Variants in RTN1 observed in about 807,000 individuals in gnomAD.
The protein encoded by RTN1 is reticulon-1.
Under a neutral mutation model 65.5 loss-of-function variants are expected in RTN1, and 25 were observed. The observed-to-expected ratio is 0.38, with a 90% CI of 0.28 to 0.53. RTN1 has a LOEUF of 0.53. Among genes scored for constraint, RTN1 ranks in the 20% least tolerant of loss-of-function variants. The probability of loss-of-function intolerance (pLI) is 0.79; values close to 1 mark genes in which losing one functional copy is unlikely to be tolerated. For missense variants in RTN1, 983 were observed against 1,025.4 expected (o/e 0.96, Z 0.57); for synonymous variants, 471 against 447.6 (o/e 1.05, Z -0.66).
intron 1 of RTN1, among the ~76,000 whole-genome samples, chr14:59,827,223 C>T (rs962702975): frequency 4.6e-5 from 7 of 152,048 alleles, no homozygotes; most frequent in African/African-American, 7.2e-5. Context: ...TGACTACAGG[C>T]GCCCGCCACC....
At chr14:59,681,792 A>G (rs1883750465) in intron 3 of RTN1, among the ~76,000 whole-genome samples, 1 of 152,192 alleles carries the variant, frequency 6.6e-6, no homozygotes, top group South Asian at 2.1e-4. Flanking sequence ...ACATCAGAAC[A>G]CAAGGATCAT....
chr14:59,656,087 C>A (rs938674320), intron 3 of RTN1, among the ~76,000 whole-genome samples: 1 of 151,992 alleles, frequency 6.6e-6, no homozygotes, highest in Non-Finnish European at 1.5e-5. Context: ...AATGAATGAA[C>A]CTTGAAAACA....
At chr14:59,810,005 C>T (rs866578930) in intron 1 of RTN1, among the ~76,000 whole-genome samples, 6 of 152,150 alleles carry the variant, frequency 3.9e-5, no homozygotes, top group Non-Finnish European at 5.9e-5. Context: ...GTACCCACTA[C>T]GTTCCTAGCC....
intron 1 of RTN1, among the ~76,000 whole-genome samples, chr14:59,798,866 A>T (rs1278457879): frequency 2.0e-5 from 3 of 152,190 alleles, no homozygotes; most frequent in Non-Finnish European, 4.4e-5. Context: ...ATAAATTTAC[A>T]GATAAAAATT....
At chr14:59,678,760 C>A (rs1883682103) in intron 3 of RTN1, among the ~76,000 whole-genome samples, 1 of 152,182 alleles carries the variant, frequency 6.6e-6, no homozygotes, top group Non-Finnish European at 1.5e-5. Context: ...GACTGACATG[C>A]TGATCTTCAG....
intron 3 of RTN1, among the ~76,000 whole-genome samples, chr14:59,658,780 C>A (rs1883180370): frequency 6.6e-6 from 1 of 152,148 alleles, no homozygotes; most frequent in South Asian, 2.1e-4. Flanking sequence ...TGAGGAAAAA[C>A]CAGCACAAAA....
chr14:59,630,663 T>A, intron 3 of RTN1: 1 of 1,224,104 alleles, frequency 8.2e-7, no homozygotes, highest in African/African-American at 1.6e-5. Context: ...GGCGGGAGCG[T>A]CGCTGGCGCC....
chr14:59,636,978 G>A (rs538199496), intron 3 of RTN1, among the ~76,000 whole-genome samples: 1 of 152,362 alleles, frequency 6.6e-6, no homozygotes, highest in South Asian at 2.1e-4. Flanking sequence ...GAAGATTGGA[G>A]TGGTTGCAGC....
At chr14:59,687,899 A>G (rs1318396757) in intron 3 of RTN1, among the ~76,000 whole-genome samples, 3 of 152,096 alleles carry the variant, frequency 2.0e-5, no homozygotes, top group Non-Finnish European at 4.4e-5. Context: ...TCTCTGTTTC[A>G]TGCCCAGGCA....
chr14:59,808,025 T>C (rs1224605941), intron 1 of RTN1, among the ~76,000 whole-genome samples: 1 of 152,186 alleles, frequency 6.6e-6, no homozygotes, highest in Non-Finnish European at 1.5e-5. Flanking sequence ...CTTCTTAGAT[T>C]ATAAATTATC....
chr14:59,601,699 A>G (rs1184662627), intron 8 of RTN1, among the ~76,000 whole-genome samples: 1 of 152,190 alleles, frequency 6.6e-6, no homozygotes, highest in Non-Finnish European at 1.5e-5. Context: ...ATTCTTTGCT[A>G]TAGTTTATGA....
In RTN1 at chr14:59,868,246, A is replaced by C. The variant is rs1421181991; in HGVS notation, c.241+2144T>G. ...AACACAGAGATTTAAGACATTAACCAATCAACAACTATATCAGAAATTCCT... is the reference window on the plus strand; with the variant it reads ...AACACAGAGATTTAAGACATTAACCCATCAACAACTATATCAGAAATTCCT... On this transcript the variant is annotated intron_variant, in intron 1 of 8. Coordinates refer to ENST00000267484, the MANE Select transcript of RTN1 (RefSeq NM_021136.3). This position sits in a 1 kb window ranked among gnomAD's most constrained non-coding sequence, Gnocchi z 4.0. Among the ~76,000 whole-genome samples, 1 of 152,246 alleles carries C rather than the reference A, an allele frequency of 6.6e-6. No homozygotes were observed. Among genetic ancestry groups the C allele is most frequent in the African/African-American group, 2.4e-5 (1 of 41,466 alleles).
chr14:59,672,971 G>A (rs1181871210), intron 3 of RTN1, among the ~76,000 whole-genome samples: 1 of 152,152 alleles, frequency 6.6e-6, no homozygotes, highest in Non-Finnish European at 1.5e-5. Context: ...GACTTCTTTG[G>A]TTAACTAGGA....
intron 1 of RTN1, among the ~76,000 whole-genome samples, chr14:59,847,704 A>C (rs1379028122): frequency 6.6e-6 from 1 of 152,232 alleles, no homozygotes; most frequent in Non-Finnish European, 1.5e-5. Flanking sequence ...TTCCCACTTA[A>C]AAAATATGCC....
At chr14:59,695,584 AC>A (rs1455316717) in intron 3 of RTN1, among the ~76,000 whole-genome samples, 1 of 152,088 alleles carries the variant, frequency 6.6e-6, no homozygotes, top group Admixed American at 6.6e-5. Context: ...GCAGAACCAA[AC>A]CCTGATGTAT....
chr14:59,681,211 CA>C (rs1444982185), intron 3 of RTN1, among the ~76,000 whole-genome samples: 1 of 152,030 alleles, frequency 6.6e-6, no homozygotes, highest in Non-Finnish European at 1.5e-5. Flanking sequence ...ACAAATCCAA[CA>C]AAAACTTACC....
chr14:59,853,752 T>G (rs1368189259), intron 1 of RTN1, among the ~76,000 whole-genome samples: 1 of 152,158 alleles, frequency 6.6e-6, no homozygotes, highest in Non-Finnish European at 1.5e-5. Context: ...AATCCCTGTT[T>G]TTTCTCTATT....
At chr14:59,670,457 G>A (rs1357374109) in intron 3 of RTN1, among the ~76,000 whole-genome samples, 1 of 152,208 alleles carries the variant, frequency 6.6e-6, no homozygotes, top group South Asian at 2.1e-4. Flanking sequence ...ATAAAATAAA[G>A]TTAGAGCTCT....
At chr14:59,850,805 G>T (rs1357861986) in intron 1 of RTN1, among the ~76,000 whole-genome samples, 1 of 152,190 alleles carries the variant, frequency 6.6e-6, no homozygotes, top group Non-Finnish European at 1.5e-5. Flanking sequence ...CTTCAAAGAA[G>T]CTCACTGAAT....
Sources: allele counts gnomAD v4.1 joint callset (sites outside exome capture counted in the v4.1 genomes callset), GRCh38; gene constraint gnomAD v4.1.1; non-coding constraint Gnocchi (gnomAD v3.1); transcripts MANE v1.5; gene names NCBI Gene and HGNC (gene_info 2026-07-23, HGNC 2026-07-21).